The following GPHN variants were observed in gnomAD, a reference collection of about 807,000 sequenced individuals.
GPHN encodes gephyrin.
GPHN carries 17 observed loss-of-function variants against 95.5 expected under a neutral mutation model. That is an observed-to-expected ratio of 0.18 (90% confidence interval 0.12 to 0.27). GPHN has a LOEUF of 0.27. GPHN is among the 10% of genes least tolerant of loss of function. The pLI, the probability that GPHN is intolerant of heterozygous loss-of-function variation, is 1.00. For missense variants in GPHN, 660 were observed against 978.1 expected (o/e 0.67, Z 4.34); for synonymous variants, 320 against 322.5 (o/e 0.99, Z 0.08).
chr14:67,213,237 A>G, the GPHN span, among the ~76,000 whole-genome samples: 55 of 150,366 alleles, frequency 3.7e-4, no homozygotes, highest in African/African-American at 1.3e-3. Context: ...ATATGTATAC[A>G]TGTGCCATGC....
chr14:67,508,135 C>CAAAAAAAAAAAAAAAAAAAAAAAAA, the GPHN span, among the ~76,000 whole-genome samples: 13 of 130,608 alleles, frequency 1.0e-4, no homozygotes, highest in African/African-American at 3.9e-4. Flanking sequence ...AACTCCATCT[C>CAAAAAAAAAAAAAAAAAAAAAAAAA]AAAAAAAAAA....
At chr14:66,530,139 C>T (rs1252328671) in intron 1 of GPHN, among the ~76,000 whole-genome samples, 28 of 152,134 alleles carry the variant, frequency 1.8e-4, no homozygotes. Context: ...TTCAGAGATG[C>T]CCTGCCCAGA....
chr14:66,678,419 G>T (rs78940363), intron 1 of GPHN, among the ~76,000 whole-genome samples: 10 of 149,426 alleles, frequency 6.7e-5, no homozygotes, highest in Non-Finnish European at 1.5e-4. Context: ...CTTGAGTTCC[G>T]GGATTTCTGT....
chr14:66,978,838 G>A (rs796630077), intron 9 of GPHN, among the ~76,000 whole-genome samples: 8 of 152,238 alleles, frequency 5.3e-5, no homozygotes, highest in South Asian at 2.1e-4. Context: ...ATAGCCTTAC[G>A]AAATCTATTT....
chr14:67,300,341 T>TTTTTTTTTTTTTTTTG, the GPHN span, among the ~76,000 whole-genome samples: 1 of 151,296 alleles, frequency 6.6e-6, no homozygotes, highest in African/African-American at 2.5e-5. Context: ...ATTACCTTTT[T>TTTTTTTTTTTTTTTTG]TTTTTTGAGA....
At chr14:67,713,148 G>A in the GPHN span, among the ~76,000 whole-genome samples, 1 of 151,784 alleles carries the variant, frequency 6.6e-6, no homozygotes, top group Non-Finnish European at 1.5e-5. Flanking sequence ...CCAGCTTTTT[G>A]TTAACTTTAG....
chr14:67,316,935 GT>G, the GPHN span: 1 of 1,543,730 alleles, frequency 6.5e-7, no homozygotes. Flanking sequence ...TAAGTAAATG[GT>G]TTCTTGGGTC....
At chr14:67,099,234 C>T (rs578038600) in intron 12 of GPHN, among the ~76,000 whole-genome samples, 57 of 152,046 alleles carry the variant, frequency 3.7e-4, no homozygotes, top group South Asian at 2.3e-3. Flanking sequence ...CTCAGCCTCC[C>T]GAGTAGCCGG....
chr14:66,859,572 A>G (rs372582431), intron 4 of GPHN, among the ~76,000 whole-genome samples: 2 of 152,346 alleles, frequency 1.3e-5, no homozygotes, highest in Middle Eastern at 3.4e-3. Flanking sequence ...AACACTGACA[A>G]ACATCTACAA....
At chr14:66,774,625 T>G (rs2153460134) in intron 2 of GPHN, among the ~76,000 whole-genome samples, 1 of 152,318 alleles carries the variant, frequency 6.6e-6, no homozygotes, top group African/African-American at 2.4e-5. Context: ...TAATGACCTG[T>G]TCAGTCAGTG....
chr14:67,384,025 A>C, the GPHN span: 5 of 157,240 alleles, frequency 3.2e-5, no homozygotes, highest in Non-Finnish European at 5.6e-5. Context: ...AATAAATTTA[A>C]CTTTAACCAC....
chr14:66,852,815 T>C (rs550973723), intron 4 of GPHN, among the ~76,000 whole-genome samples: 1 of 152,370 alleles, frequency 6.6e-6, no homozygotes, highest in Admixed American at 6.5e-5. Context: ...AACTCTCATT[T>C]GATGGTAATT....
At chr14:66,738,113 C>A (rs2072459652) in intron 2 of GPHN, among the ~76,000 whole-genome samples, 1 of 152,146 alleles carries the variant, frequency 6.6e-6, no homozygotes, top group South Asian at 2.1e-4. Context: ...CATAAGACTA[C>A]AGCAAATTTT....
chr14:67,393,186 T>C, the GPHN span: 1 of 1,613,858 alleles, frequency 6.2e-7, no homozygotes, highest in Non-Finnish European at 8.5e-7. Flanking sequence ...CCCTGCTCCA[T>C]GTTGGGGCTT....
the GPHN span, among the ~76,000 whole-genome samples, chr14:67,595,115 T>A: frequency 1.3e-5 from 2 of 151,042 alleles, no homozygotes; most frequent in African/African-American, 4.9e-5. Flanking sequence ...CCAGCCTGGG[T>A]GACAGAGCGA....
chr14:66,819,353 T>C (rs1046607983), intron 3 of GPHN, among the ~76,000 whole-genome samples: 1 of 152,078 alleles, frequency 6.6e-6, no homozygotes, highest in Non-Finnish European at 1.5e-5. Flanking sequence ...TTGTTGCTTG[T>C]TTTTGTCATG....
chr14:66,594,659 T>A (rs1291549595), intron 1 of GPHN, among the ~76,000 whole-genome samples: 2 of 152,204 alleles, frequency 1.3e-5, no homozygotes, highest in African/African-American at 4.8e-5. Context: ...CATATATATA[T>A]AAATCATCTC....
At chr14:67,199,821 C>T in the GPHN span, 436 of 1,504,516 alleles carry the variant, frequency 2.9e-4, no homozygotes, top group Admixed American at 9.1e-4. Flanking sequence ...GGAGCCCTCC[C>T]ACCTGGGATA....
At chr14:66,931,996 A>T (rs2066823513) in intron 8 of GPHN, among the ~76,000 whole-genome samples, 1 of 152,162 alleles carries the variant, frequency 6.6e-6, no homozygotes, top group Non-Finnish European at 1.5e-5. Flanking sequence ...CCTTCTTGGG[A>T]AGGCTTTCCA....
Sources: allele counts gnomAD v4.1 joint callset (sites outside exome capture counted in the v4.1 genomes callset), GRCh38; gene constraint gnomAD v4.1.1; transcripts MANE v1.5; gene names NCBI Gene and HGNC (gene_info 2026-07-23, HGNC 2026-07-21).